The following MRTFB variants were observed in gnomAD, a reference collection of about 807,000 sequenced individuals.
MRTFB encodes the protein myocardin-related transcription factor B.
In MRTFB, 29 loss-of-function variants were observed where a neutral mutation model predicts 104.2. The ratio of observed to expected loss-of-function variants is 0.28; its 90% confidence interval spans 0.21 to 0.38. The LOEUF (loss-of-function observed/expected upper bound fraction) is 0.38. Ranked by LOEUF, MRTFB falls within the 10% of genes least tolerant of loss-of-function variation. The probability of loss-of-function intolerance (pLI) is 1.00; values close to 1 mark genes in which losing one functional copy is unlikely to be tolerated. For synonymous variants in MRTFB, 535 were observed against 519.5 expected, an observed-to-expected ratio of 1.03 and a Z score of -0.41; for missense variants, 1,270 against 1,341.6, an observed-to-expected ratio of 0.95 and a Z score of 0.83.
intron 3 of MRTFB, among the ~76,000 whole-genome samples, chr16:14,206,566 T>G (rs1473365251): frequency 6.6e-6 from 1 of 152,214 alleles, no homozygotes; most frequent in Non-Finnish European, 1.5e-5. Context: ...TAATTGTGTG[T>G]TTTTGTTTTG....
intron 2 of MRTFB, among the ~76,000 whole-genome samples, chr16:14,087,591 G>A (rs891054284): frequency 4.6e-5 from 7 of 152,138 alleles, no homozygotes; most frequent in African/African-American, 1.7e-4. Flanking sequence ...CAGAGAGGAC[G>A]CCTAGTTCAA....
the MRTFB span, among the ~76,000 whole-genome samples, chr16:14,004,019 A>G: frequency 4.7e-5 from 7 of 149,388 alleles, no homozygotes; most frequent in Non-Finnish European, 1.0e-4. Flanking sequence ...CGGGTTTGTG[A>G]GACAGTTGCA....
chr16:14,220,416 C>T (rs2041638645), intron 8 of MRTFB, among the ~76,000 whole-genome samples: 1 of 152,202 alleles, frequency 6.6e-6, no homozygotes, highest in Admixed American at 6.5e-5. Flanking sequence ...CAACAGCCAT[C>T]AGTTGTTTAA....
At chr16:14,172,139 C>G (rs2039442973) in intron 3 of MRTFB, among the ~76,000 whole-genome samples, 1 of 152,054 alleles carries the variant, frequency 6.6e-6, no homozygotes, top group Non-Finnish European at 1.5e-5. Flanking sequence ...CTATCCCATT[C>G]CCATCCCTTC....
chr16:14,240,291 C>G lies in MRTFB; in HGVS notation c.886C>G (p.Pro296Ala). The G allele has an allele frequency of 6.2e-7, 1 of 1,613,622 alleles. No homozygotes were observed. The highest frequency in any genetic ancestry group is 8.5e-7 in the Non-Finnish European group (1 of 1,179,882). The change falls in exon 10 of 17, where the codon CCC (proline) becomes GCC (alanine). Residue 296 changes from proline to alanine, a missense_variant. Pro to Ala is a conservative substitution (Grantham distance 27, BLOSUM62 -1). This residue lies in a region of MRTFB where 1,144 missense variants were observed against 1,131.5 expected (regional missense o/e 1.01). Transcript: ENST00000571589. ...DKHRSKKCKDPKPRVKKLKYH... is the reference protein window; with the variant it reads ...DKHRSKKCKDAKPRVKKLKYH... ...ACACCGTAGCAAAAAGTGCAAAGATCCCAAACCACGGGTAAAGAAGTTAAA... is the reference window on the plus strand; with the variant it reads ...ACACCGTAGCAAAAAGTGCAAAGATGCCAAACCACGGGTAAAGAAGTTAAA...
chr16:14,017,360 G>T, the MRTFB span, among the ~76,000 whole-genome samples: 1 of 151,506 alleles, frequency 6.6e-6, no homozygotes, highest in East Asian at 1.9e-4. Flanking sequence ...CCGGCCTGCT[G>T]CAGTCTTCTT....
At chr16:14,244,027 G>A (rs974962319) in intron 10 of MRTFB, among the ~76,000 whole-genome samples, 29 of 151,922 alleles carry the variant, frequency 1.9e-4, no homozygotes, top group African/African-American at 5.3e-4. Flanking sequence ...ACAGGCGCCC[G>A]CCACCACGCC....
At chr16:14,069,363 C>G (rs763046435), upstream of MRTFB, among the ~76,000 whole-genome samples, 9 of 152,284 alleles carry the variant, frequency 5.9e-5, no homozygotes, top group Non-Finnish European at 1.3e-4. Flanking sequence ...CCATCAGATT[C>G]CCTGGTTCTC....
chr16:14,089,661 G>A (rs1376966149), intron 2 of MRTFB, among the ~76,000 whole-genome samples: 1 of 152,094 alleles, frequency 6.6e-6, no homozygotes, highest in Non-Finnish European at 1.5e-5. Flanking sequence ...GGAATTGCTG[G>A]GTTATATGGT....
At chr16:14,139,182 T>TA (rs1431627762) in intron 2 of MRTFB, among the ~76,000 whole-genome samples, 1 of 152,212 alleles carries the variant, frequency 6.6e-6, no homozygotes. Context: ...AAAGCACTTG[T>TA]ATCCAAAATA....
chr16:14,003,668 CCCTT>C, the MRTFB span, among the ~76,000 whole-genome samples: 29 of 96,278 alleles, frequency 3.0e-4, no homozygotes, highest in Admixed American at 1.9e-3. Context: ...CTCCCTCCCT[CCCTT>C]CCTTCCTTCC....
At chr16:14,168,071 A>C (rs1188571407) in intron 3 of MRTFB, among the ~76,000 whole-genome samples, 1 of 152,064 alleles carries the variant, frequency 6.6e-6, no homozygotes, top group African/African-American at 2.4e-5. Flanking sequence ...AGTTCTCCTA[A>C]CACCATTTAT....
At chr16:14,223,676 A>G (rs1484572432) in intron 8 of MRTFB, among the ~76,000 whole-genome samples, 2 of 152,300 alleles carry the variant, frequency 1.3e-5, no homozygotes, top group East Asian at 3.9e-4. Context: ...CTGAAGACAA[A>G]AGGAAAAAAG....
chr16:14,233,440 C>T (rs16963580), intron 8 of MRTFB, among the ~76,000 whole-genome samples: 16,122 of 151,924 alleles, frequency 0.11, 1,837 homozygotes, highest in African/African-American at 0.28. Flanking sequence ...GCCTGAAGGT[C>T]GTGTTTGGAT....
intron 3 of MRTFB, among the ~76,000 whole-genome samples, chr16:14,182,535 GAGATATAA>G (rs1280224961): frequency 2.0e-5 from 3 of 152,106 alleles, no homozygotes; most frequent in African/African-American, 7.2e-5. Flanking sequence ...TTCATATATA[GAGATATAA>G]ATGTTATGTA....
chr16:14,109,850 A>C (rs1452006955), intron 2 of MRTFB, among the ~76,000 whole-genome samples: 1 of 152,228 alleles, frequency 6.6e-6, no homozygotes, highest in Non-Finnish European at 1.5e-5. Flanking sequence ...GTAGAGTACT[A>C]TGAGCTGACA....
At chr16:14,212,512 G>C in intron 5 of MRTFB, 103 bp downstream of exon 5, 1 of 1,023,304 alleles carries the variant, frequency 9.8e-7, no homozygotes, top group Non-Finnish European at 1.5e-6. Flanking sequence ...TATGTCAATA[G>C]AGAAAAAATA....
At chr16:14,249,704 T>G (rs1271506341) in intron 13 of MRTFB, among the ~76,000 whole-genome samples, 1 of 152,192 alleles carries the variant, frequency 6.6e-6, no homozygotes, top group African/African-American at 2.4e-5. Context: ...TCTCCCGCAT[T>G]CCCCGGTAGC....
chr16:14,066,090 T>C, the MRTFB span, among the ~76,000 whole-genome samples: 1 of 152,206 alleles, frequency 6.6e-6, no homozygotes, highest in Non-Finnish European at 1.5e-5. Flanking sequence ...GTTATTGACA[T>C]ACTAGCTGGC....
Sources: gnomAD v4.1 joint callset for allele counts (sites outside exome capture counted in the v4.1 genomes callset) on GRCh38, gnomAD v4.1.1 for gene constraint, gnomAD v4.1.1 regional missense constraint, MANE v1.5 for transcripts, NCBI Gene and HGNC (gene_info 2026-07-23, HGNC 2026-07-21) for gene names.